EVC2: variants seen among roughly 807,000 people sequenced by gnomAD.
EVC2 encodes limbin.
Under a neutral mutation model 149.3 loss-of-function variants are expected in EVC2, and 148 were observed. That is an observed-to-expected ratio of 0.99 (90% CI 0.87 to 1.14). The LOEUF (loss-of-function observed/expected upper bound fraction) is 1.14, where lower values mean the gene tolerates loss of function less well. Ranked by LOEUF, EVC2 falls within the 50% of genes most tolerant of loss-of-function variation. EVC2 has a pLI of 0.00. For missense variants in EVC2, 1,854 were observed against 1,627.3 expected, an observed-to-expected ratio of 1.14 and a Z score of -2.40; for synonymous variants, 776 against 649.9, an observed-to-expected ratio of 1.19 and a Z score of -2.95.
intron 21 of EVC2, among the ~76,000 whole-genome samples, chr4:5,563,757 GC>G (rs1722095677): frequency 1.3e-5 from 2 of 151,908 alleles, no homozygotes; most frequent in Non-Finnish European, 2.9e-5. Flanking sequence ...AGAAACCACT[GC>G]CCCCCTCCCC....
chr4:5,676,875 G>A (rs1720029975), intron 7 of EVC2, among the ~76,000 whole-genome samples: 1 of 152,064 alleles, frequency 6.6e-6, no homozygotes. Flanking sequence ...GCCTCAGTGT[G>A]AGGGTGGGGA....
In EVC2 at chr4:5,686,250, C is replaced by T. The variant is rs1720705620; in HGVS notation, c.707-771G>A. Among the ~76,000 whole-genome samples the T allele has an allele frequency of 6.6e-6, 1 of 151,964 alleles. No individual in the cohort carries two copies. The highest frequency in any genetic ancestry group is 6.6e-5 in the Admixed American group (1 of 15,252). ...TTTATTTATTTATTTCTGAGACAGG[C>T]TCTCTCTATGTTGCCCAGACTAGTC... On this transcript the variant is annotated intron_variant, in intron 5 of 21. Coordinates refer to ENST00000344408, the MANE Select transcript of EVC2 (RefSeq NM_147127.5). This position sits in a 1 kb window ranked among gnomAD's most constrained non-coding sequence, Gnocchi z 5.4.
At chr4:5,542,473 G>T (rs902472902), downstream of EVC2, among the ~76,000 whole-genome samples, 2 of 152,084 alleles carry the variant, frequency 1.3e-5, no homozygotes, top group African/African-American at 4.8e-5. Context: ...ATCCTCATTT[G>T]CCAATGCCCA....
Position 5,562,828 on chromosome 4 carries a change from C to G in EVC2, c.*20G>C, listed in dbSNP as rs1722034110. On this transcript the variant is annotated 3_prime_UTR_variant, in exon 22 of 22. Coordinates refer to ENST00000344408, the MANE Select transcript of EVC2 (RefSeq NM_147127.5). The surrounding 1 kb of genome is among the most constrained non-coding windows in gnomAD (Gnocchi z 4.3). ...TCATCCCTTCTCTCTTCAGATGCTC[C>G]CGCAGGTCTTTCCCTTGGGCTAGTC... The G allele has an allele frequency of 3.1e-6, 5 of 1,613,058 alleles. No individual in the cohort carries two copies. Among genetic ancestry groups the G allele is most frequent in the Admixed American group, 1.7e-5 (1 of 60,016 alleles).
chr4:5,640,911 T>G lies in EVC2; in HGVS notation c.1146-73A>C. On this transcript the variant is annotated intron_variant, in intron 9 of 21. Coordinates refer to ENST00000344408, the MANE Select transcript of EVC2 (RefSeq NM_147127.5). This position sits in a 1 kb window ranked among gnomAD's most constrained non-coding sequence, Gnocchi z 4.6. ...AGAAACCAAAGGTCTTTCAAAGCTC[T>G]GAGGTTTTCATTTATGTGTAGGCAA... 7.0e-6 allele frequency: 11 copies of G among 1,565,270 alleles called. No homozygotes were observed. The highest frequency in any genetic ancestry group is 1.3e-5 in the African/African-American group (1 of 74,074).
chr4:5,601,663 G>A (rs1713992985), intron 16 of EVC2, among the ~76,000 whole-genome samples: 1 of 152,206 alleles, frequency 6.6e-6, no homozygotes, highest in Non-Finnish European at 1.5e-5. Flanking sequence ...TATCAGTTGA[G>A]TATGAGGGCA....
At chr4:5,556,446 T>C (rs927619868) in intron 21 of EVC2, among the ~76,000 whole-genome samples, 2 of 151,914 alleles carry the variant, frequency 1.3e-5, no homozygotes, top group African/African-American at 4.8e-5. Context: ...AAGTAGTGCC[T>C]AAAGGGAAAT....
intron 16 of EVC2, among the ~76,000 whole-genome samples, chr4:5,598,225 G>T (rs1453460430): frequency 6.6e-6 from 1 of 152,036 alleles, no homozygotes; most frequent in Non-Finnish European, 1.5e-5. Context: ...CTAATTTAAA[G>T]TTCATATGGA....
chr4:5,628,620 C>T lies in EVC2; in HGVS notation c.1825G>A (p.Val609Met), dbSNP rs374725146. 2.6e-5 allele frequency: 42 copies of T among 1,613,904 alleles called. No individual in the cohort carries two copies. Among genetic ancestry groups the T allele is most frequent in the Non-Finnish European group, 3.3e-5 (39 of 1,180,004 alleles). ...GCAGCGGTGCTCAGAAGGCCCTGCACACGGGTCTCTGATGACTGGAGGTTC... is the reference window on the plus strand; with the variant it reads ...GCAGCGGTGCTCAGAAGGCCCTGCATACGGGTCTCTGATGACTGGAGGTTC... ...VQNLQSSETR[V>M]QGLLSTAAAQ... Residue 609 changes from valine to methionine, a missense_variant, in exon 12 of 22, where the codon GTG becomes ATG. Physicochemically the swap from Val to Met is conservative, Grantham distance 21. Transcript: ENST00000344408.
At chr4:5,599,812 A>G (rs1713826089) in intron 16 of EVC2, among the ~76,000 whole-genome samples, 1 of 152,184 alleles carries the variant, frequency 6.6e-6, no homozygotes, top group African/African-American at 2.4e-5. Context: ...TGGGTTCAAG[A>G]TACCCAGAGC....
At chr4:5,665,019 G>A (rs552162672) in intron 8 of EVC2, among the ~76,000 whole-genome samples, 3 of 151,272 alleles carry the variant, frequency 2.0e-5, no homozygotes, top group African/African-American at 4.9e-5. Flanking sequence ...TGTGGGTGAC[G>A]GGATGCGTGT....
At chr4:5,634,670 A>C (rs573915439) in intron 10 of EVC2, among the ~76,000 whole-genome samples, 56 of 152,314 alleles carry the variant, frequency 3.7e-4, no homozygotes, top group African/African-American at 1.3e-3. Context: ...TGCCCACTTC[A>C]AAAGGGAGTT....
the EVC2 span, among the ~76,000 whole-genome samples, chr4:5,529,911 G>A: frequency 2.6e-5 from 4 of 151,278 alleles, no homozygotes; most frequent in South Asian, 2.1e-4. This position sits in a 1 kb window ranked among gnomAD's most constrained non-coding sequence, Gnocchi z 4.5. Flanking sequence ...CCACCTCCCG[G>A]TGCAAGCGAT....
chr4:5,645,398 C>T (rs567374538), intron 9 of EVC2, among the ~76,000 whole-genome samples: 8 of 152,140 alleles, frequency 5.3e-5, no homozygotes, highest in Admixed American at 3.9e-4. Flanking sequence ...CTTCCTGATC[C>T]TCTCCTTCCT....
chr4:5,554,422 A>G (rs922481186), intron 21 of EVC2, among the ~76,000 whole-genome samples: 1 of 152,364 alleles, frequency 6.6e-6, no homozygotes, highest in Non-Finnish European at 1.5e-5. Context: ...CTAAGGGCCT[A>G]TAGTCTTAGG....
chr4:5,693,100 T>C (rs1280339884), intron 3 of EVC2, among the ~76,000 whole-genome samples: 1 of 152,120 alleles, frequency 6.6e-6, no homozygotes, highest in Non-Finnish European at 1.5e-5. Flanking sequence ...TATAGCATCT[T>C]GCAAACAATA....
chr4:5,632,244 A>G (rs1287203993), intron 10 of EVC2, among the ~76,000 whole-genome samples: 1 of 152,220 alleles, frequency 6.6e-6, no homozygotes, highest in Non-Finnish European at 1.5e-5. Flanking sequence ...GTGTAAGGCA[A>G]TGTACACACA....
chr4:5,586,866 G>A (rs1233406840), intron 16 of EVC2, among the ~76,000 whole-genome samples: 2 of 151,060 alleles, frequency 1.3e-5, no homozygotes, highest in East Asian at 1.9e-4. Context: ...ACCACCTTGG[G>A]CACATGTCAT....
intron 9 of EVC2, among the ~76,000 whole-genome samples, chr4:5,645,190 C>T (rs1328152304): frequency 2.0e-5 from 3 of 151,764 alleles, no homozygotes; most frequent in Non-Finnish European, 1.5e-5. Flanking sequence ...GTGGTGCCAA[C>T]ATGATCCCTG....
Sources: allele counts gnomAD v4.1 joint callset (sites outside exome capture counted in the v4.1 genomes callset), GRCh38; gene constraint gnomAD v4.1.1; non-coding constraint Gnocchi (gnomAD v3.1); transcripts MANE v1.5; gene names NCBI Gene and HGNC (gene_info 2026-07-23, HGNC 2026-07-21).